Variants in ZNF827 observed in about 807,000 individuals in gnomAD.
The protein encoded by ZNF827 is zinc finger protein 827.
ZNF827 carries 13 observed loss-of-function variants against 102.4 expected under a neutral mutation model. That is an observed-to-expected ratio of 0.13 (90% confidence interval 0.08 to 0.20). The LOEUF (loss-of-function observed/expected upper bound fraction) is 0.20. ZNF827 is among the 10% of genes least tolerant of loss of function. ZNF827 has a pLI of 1.00. For missense variants in ZNF827, 1,103 were observed against 1,344.4 expected, an observed-to-expected ratio of 0.82 and a Z score of 2.81; for synonymous variants, 523 against 536.2, an observed-to-expected ratio of 0.98 and a Z score of 0.34.
chr4:145,838,946 T>G (rs1012668587), intron 7 of ZNF827, among the ~76,000 whole-genome samples: 2 of 152,170 alleles, frequency 1.3e-5, no homozygotes, highest in Non-Finnish European at 2.9e-5. Flanking sequence ...GAGGGACAAT[T>G]GTAAAAGACA....
At chr4:145,764,441 C>T (rs542860945) in intron 13 of ZNF827, among the ~76,000 whole-genome samples, 10 of 152,260 alleles carry the variant, frequency 6.6e-5, no homozygotes, top group East Asian at 1.9e-4. Flanking sequence ...AGATGATGCT[C>T]GTTGTCTAGA....
chr4:145,819,500 C>T (rs1229489876), intron 8 of ZNF827, among the ~76,000 whole-genome samples: 1 of 152,220 alleles, frequency 6.6e-6, no homozygotes, highest in Non-Finnish European at 1.5e-5. Flanking sequence ...GAATCACCCA[C>T]ATGCCCTGAA....
intron 7 of ZNF827, among the ~76,000 whole-genome samples, chr4:145,838,165 C>T (rs999999819): frequency 3.9e-5 from 6 of 152,116 alleles, no homozygotes; most frequent in African/African-American, 1.4e-4. Flanking sequence ...ATATGCCCAG[C>T]CCCACCTTAA....
intron 4 of ZNF827, among the ~76,000 whole-genome samples, chr4:145,870,972 T>C (rs1214352161): frequency 1.3e-5 from 2 of 152,198 alleles, no homozygotes; most frequent in Non-Finnish European, 2.9e-5. Flanking sequence ...AGACTAGAGA[T>C]AGACCACTCT....
intron 1 of ZNF827, among the ~76,000 whole-genome samples, chr4:145,932,468 T>G (rs931547973): frequency 7.1e-6 from 1 of 140,232 alleles, no homozygotes; most frequent in Non-Finnish European, 1.5e-5. Flanking sequence ...TTAATAGAAC[T>G]CCTTGTATTT....
chr4:145,884,313 C>T lies in ZNF827; in HGVS notation c.1747+1365G>A, dbSNP rs540988236. On this transcript the variant is annotated intron_variant, in intron 4 of 14. Transcript: ENST00000508784. Reference sequence around the variant, plus strand: ...GGTAAGGGGGACATTCCAAAAGACCCGACTGAAGTGTCCCTGAGCAAAGGG... The same window carrying T: ...GGTAAGGGGGACATTCCAAAAGACCTGACTGAAGTGTCCCTGAGCAAAGGG... Among the ~76,000 whole-genome samples, 12 of 152,278 alleles carry T rather than the reference C, an allele frequency of 7.9e-5. No individual in the cohort carries two copies. In the South Asian group the frequency reaches 2.3e-3, roughly 29 times the overall value.
rs979650805 is a variant in ZNF827 at position 145,846,114 on chromosome 4, C to T, written c.2222-101G>A. On this transcript the variant is annotated intron_variant, in intron 6 of 14. Coordinates refer to ENST00000508784, the MANE Select transcript of ZNF827 (RefSeq NM_001306215.2). ...AAAACCCTCAACATCTCTCTTTTTC[C>T]TTTGTGGTTTTCTTTTGATTTCTTT... 7.1e-6 allele frequency: 8 copies of T among 1,124,920 alleles called. No homozygotes were observed. The African/African-American group carries it at 1.2e-4, about 18-fold the overall frequency. 69.7% of individuals were successfully genotyped at this position (1,124,920 alleles called of 1,614,324 possible). A position where few individuals can be genotyped will look rare whatever the true frequency, so the allele number is the denominator to read the frequency against.
rs1020802443 is a variant in ZNF827 at position 145,759,078 on chromosome 4, A to T, written c.*2538T>A. 2.6e-5 allele frequency: 4 copies of T among 152,226 alleles called. No individual in the cohort carries two copies. The highest frequency in any genetic ancestry group is 9.7e-5 in the African/African-American group (4 of 41,442). The allele number at this position is 152,226 out of a possible 1,614,324, so 9.4% of individuals were successfully genotyped here. Reference sequence around the variant, plus strand: ...AAAACCCCAACTCTTAGGATAACACATGATGGAAAACAGCAACACAGTAAG... The same window carrying T: ...AAAACCCCAACTCTTAGGATAACACTTGATGGAAAACAGCAACACAGTAAG... On this transcript the variant is annotated 3_prime_UTR_variant, in exon 15 of 15. Coordinates refer to ENST00000508784, the MANE Select transcript of ZNF827 (RefSeq NM_001306215.2).
intron 5 of ZNF827, among the ~76,000 whole-genome samples, chr4:145,863,316 A>T (rs1747898289): frequency 6.6e-6 from 1 of 152,234 alleles, no homozygotes; most frequent in South Asian, 2.1e-4. Context: ...GAAATGGTGC[A>T]GCTACTTTGG....
chr4:145,885,470 A>C (rs1750027782), intron 4 of ZNF827, among the ~76,000 whole-genome samples: 1 of 152,194 alleles, frequency 6.6e-6, no homozygotes, highest in African/African-American at 2.4e-5. Context: ...AGCCAAAGCA[A>C]TACTACTTCC....
At chr4:145,880,326 T>C (rs1433657892) in intron 4 of ZNF827, among the ~76,000 whole-genome samples, 1 of 152,238 alleles carries the variant, frequency 6.6e-6, no homozygotes, top group Non-Finnish European at 1.5e-5. Context: ...ATCTGTAAAA[T>C]GGGAATACTT....
chr4:145,815,736 C>G (rs746688124), intron 8 of ZNF827, among the ~76,000 whole-genome samples: 1 of 152,216 alleles, frequency 6.6e-6, no homozygotes, highest in Non-Finnish European at 1.5e-5. Context: ...TAGCCAGTCC[C>G]AAACTGAAGC....
At chr4:145,868,668 C>T (rs1748418182) in intron 5 of ZNF827, among the ~76,000 whole-genome samples, 1 of 152,178 alleles carries the variant, frequency 6.6e-6, no homozygotes, top group South Asian at 2.1e-4. Context: ...AAATATTTTT[C>T]CTTAAAGAAC....
intron 8 of ZNF827, among the ~76,000 whole-genome samples, chr4:145,799,035 A>G (rs920285018): frequency 2.6e-5 from 4 of 152,204 alleles, no homozygotes; most frequent in African/African-American, 7.2e-5. Context: ...CAATGTTCTG[A>G]TGTAAGAAGC....
chr4:145,928,940 G>T (rs966979402), intron 1 of ZNF827, among the ~76,000 whole-genome samples: 1 of 152,164 alleles, frequency 6.6e-6, no homozygotes, highest in Non-Finnish European at 1.5e-5. Flanking sequence ...AGCCGCCACC[G>T]ACTACAGCAG....
chr4:145,881,195 C>A (rs1008825183), intron 4 of ZNF827, among the ~76,000 whole-genome samples: 1 of 152,218 alleles, frequency 6.6e-6, no homozygotes, highest in Non-Finnish European at 1.5e-5. Flanking sequence ...ATGTGAACAC[C>A]TTTGCTGTTT....
intron 1 of ZNF827, among the ~76,000 whole-genome samples, chr4:145,929,359 A>G (rs1753646046): frequency 6.6e-6 from 1 of 152,238 alleles, no homozygotes; most frequent in Admixed American, 6.5e-5. Context: ...GAATAAATAA[A>G]TATTTATGGA....
chr4:145,901,210 T>G (rs534291757), intron 2 of ZNF827, among the ~76,000 whole-genome samples: 5 of 152,212 alleles, frequency 3.3e-5, no homozygotes, highest in Non-Finnish European at 5.9e-5. Context: ...ACGATGGCAA[T>G]GTTTGTACCG....
chr4:145,791,724 T>C (rs1739731657), intron 8 of ZNF827, among the ~76,000 whole-genome samples: 1 of 152,230 alleles, frequency 6.6e-6, no homozygotes, highest in Non-Finnish European at 1.5e-5. Context: ...TATTTAGCAC[T>C]GATTTTACTC....
Sources: allele counts gnomAD v4.1 joint callset (sites outside exome capture counted in the v4.1 genomes callset), GRCh38; gene constraint gnomAD v4.1.1; transcripts MANE v1.5; gene names NCBI Gene and HGNC (gene_info 2026-07-23, HGNC 2026-07-21).